Variants in KDM2A observed in about 807,000 individuals in gnomAD.
KDM2A encodes lysine-specific demethylase 2A.
In KDM2A, 3 loss-of-function variants were observed where a neutral mutation model predicts 137.3. The observed-to-expected ratio is 0.02, with a 90% CI of 0.01 to 0.06. The LOEUF (loss-of-function observed/expected upper bound fraction) is 0.06, where lower values mean the gene tolerates loss of function less well. Ranked by LOEUF, KDM2A falls within the 10% of genes least tolerant of loss-of-function variation. The pLI is 1.00. For synonymous variants in KDM2A, 512 were observed against 541.5 expected, an observed-to-expected ratio of 0.95 and a Z score of 0.76; for missense variants, 738 against 1,510.6, an observed-to-expected ratio of 0.49 and a Z score of 8.48.
chr11:67,226,583 G>A (rs188673676), intron 10 of KDM2A, among the ~76,000 whole-genome samples: 198 of 152,060 alleles, frequency 1.3e-3, no homozygotes, highest in African/African-American at 4.3e-3. Flanking sequence ...TTAGCCGGGC[G>A]TGGTGGCGGG....
intron 5 of KDM2A, chr11:67,197,164 T>C (rs1276477801): frequency 1.6e-5 from 2 of 127,768 alleles, no homozygotes; most frequent in African/African-American, 5.9e-5. Flanking sequence ...ACAGACCTTA[T>C]CAGAAATAAA....
At chr11:67,200,338 C>G (rs1214268245) in intron 5 of KDM2A, among the ~76,000 whole-genome samples, 5 of 152,104 alleles carry the variant, frequency 3.3e-5, no homozygotes, top group African/African-American at 1.2e-4. Flanking sequence ...GTCTCAGCCT[C>G]CCGAGTAGCT....
chr11:67,171,812 C>T (rs1187260524), intron 2 of KDM2A, among the ~76,000 whole-genome samples: 1 of 152,230 alleles, frequency 6.6e-6, no homozygotes, highest in Non-Finnish European at 1.5e-5. Context: ...GCCACTGCTC[C>T]TGGTCTTGGC....
intron 12 of KDM2A, among the ~76,000 whole-genome samples, chr11:67,235,898 G>A (rs1354551634): frequency 5.3e-5 from 8 of 152,160 alleles, no homozygotes; most frequent in South Asian, 4.1e-4. Context: ...GATTACAGGC[G>A]TGAGCCACTG....
At chr11:67,196,211 A>C (rs1350956783) in intron 5 of KDM2A, 1 of 455,020 alleles carries the variant, frequency 2.2e-6, no homozygotes, top group South Asian at 1.6e-5. Flanking sequence ...ATGGTGCACG[A>C]GCAGGGGCTT....
intron 2 of KDM2A, among the ~76,000 whole-genome samples, chr11:67,141,070 C>T (rs933708482): frequency 1.3e-5 from 2 of 152,100 alleles, no homozygotes; most frequent in East Asian, 1.9e-4. Context: ...AGTTTATCCC[C>T]CTCTCTTTGG....
At chr11:67,136,785 C>T (rs1855977943) in intron 2 of KDM2A, among the ~76,000 whole-genome samples, 1 of 152,134 alleles carries the variant, frequency 6.6e-6, no homozygotes, top group Admixed American at 6.6e-5. Flanking sequence ...TAACCATGTT[C>T]AGATACCATG....
At chr11:67,127,187 G>A (rs951072252) in intron 2 of KDM2A, among the ~76,000 whole-genome samples, 6 of 152,066 alleles carry the variant, frequency 3.9e-5, no homozygotes, top group South Asian at 2.1e-4. Flanking sequence ...AGCCTCAACC[G>A]CCTGGCTCAA....
intron 5 of KDM2A, among the ~76,000 whole-genome samples, chr11:67,195,146 A>G (rs1401924817): frequency 1.3e-5 from 2 of 152,132 alleles, no homozygotes; most frequent in Non-Finnish European, 2.9e-5. Context: ...AAGACTGTCA[A>G]GCCCATCCAG....
intron 2 of KDM2A, among the ~76,000 whole-genome samples, chr11:67,122,848 T>C (rs1211102734): frequency 6.6e-6 from 1 of 151,796 alleles, no homozygotes; most frequent in East Asian, 1.9e-4. Flanking sequence ...GCTAATTTTT[T>C]GTACTTTTAG....
intron 12 of KDM2A, among the ~76,000 whole-genome samples, chr11:67,234,885 G>C (rs1858820844): frequency 1.3e-5 from 2 of 152,048 alleles, no homozygotes; most frequent in African/African-American, 2.4e-5. Context: ...GGTGGCTCAT[G>C]CCTGTAGTCC....
chr11:67,183,973 G>A (rs1857146338), intron 5 of KDM2A, among the ~76,000 whole-genome samples: 2 of 151,638 alleles, frequency 1.3e-5, no homozygotes, highest in South Asian at 4.2e-4. Context: ...GCTGGGTGTG[G>A]TGGCATGCAC....
At chr11:67,240,956 A>G (rs887220241) in intron 12 of KDM2A, among the ~76,000 whole-genome samples, 2 of 152,058 alleles carry the variant, frequency 1.3e-5, no homozygotes, top group African/African-American at 2.4e-5. Context: ...TTTTCCGCCT[A>G]CCCTTCCCTA....
At chr11:67,228,468 AAT>A (rs1464505246) in intron 11 of KDM2A, among the ~76,000 whole-genome samples, 1 of 151,972 alleles carries the variant, frequency 6.6e-6, no homozygotes, top group East Asian at 1.9e-4. Context: ...AAGGTGGGCG[AAT>A]GGCTTGAGCC....
chr11:67,227,886 G>A, intron 10 of KDM2A, 151 bp from the exon 11 acceptor site: 1 of 746,024 alleles, frequency 1.3e-6, no homozygotes, highest in Admixed American at 2.4e-5. Context: ...CTAAGTTGAT[G>A]GTTCTGCTTA....
chr11:67,235,190 G>A (rs1419409425), intron 12 of KDM2A, among the ~76,000 whole-genome samples: 2 of 151,762 alleles, frequency 1.3e-5, no homozygotes, highest in Admixed American at 6.6e-5. Flanking sequence ...TGCCTTACCG[G>A]TAAACTGGTA....
chr11:67,180,859 G>A (rs553585596), intron 3 of KDM2A, among the ~76,000 whole-genome samples: 27 of 150,318 alleles, frequency 1.8e-4, no homozygotes, highest in Admixed American at 1.1e-3. Context: ...ACGGGGTTTC[G>A]CCATGTTGGC....
At chr11:67,166,345 C>A (rs373425023) in intron 2 of KDM2A, among the ~76,000 whole-genome samples, 1 of 151,708 alleles carries the variant, frequency 6.6e-6, no homozygotes, top group Non-Finnish European at 1.5e-5. Context: ...CCATCATGCC[C>A]GGCTAATTTT....
chr11:67,238,846 A>G (rs1259819945), intron 12 of KDM2A, among the ~76,000 whole-genome samples: 1 of 152,220 alleles, frequency 6.6e-6, no homozygotes, highest in African/African-American at 2.4e-5. Flanking sequence ...TCTGCTAAGT[A>G]TTTGATTCCT....
Sources: allele counts gnomAD v4.1 joint callset (sites outside exome capture counted in the v4.1 genomes callset), GRCh38; gene constraint gnomAD v4.1.1; transcripts MANE v1.5; gene names NCBI Gene and HGNC (gene_info 2026-07-23, HGNC 2026-07-21).